The following SND1 variants were observed in gnomAD, a reference collection of about 807,000 sequenced individuals.
The protein encoded by SND1 is staphylococcal nuclease domain-containing protein 1.
A neutral mutation model predicts 121.7 loss-of-function variants in SND1; 38 were observed. The observed-to-expected ratio is 0.31, with a 90% CI of 0.24 to 0.41. The LOEUF (loss-of-function observed/expected upper bound fraction) is 0.41, where lower values mean the gene tolerates loss of function less well. Ranked by LOEUF, SND1 falls within the 10% of genes least tolerant of loss-of-function variation. The pLI is 1.00. For synonymous variants in SND1, 401 were observed against 447.4 expected (o/e 0.90, Z 1.31); for missense variants, 868 against 1,184.6 (o/e 0.73, Z 3.92).
intron 15 of SND1, among the ~76,000 whole-genome samples, chr7:127,955,275 A>G (rs1442482622): frequency 1.3e-5 from 2 of 152,224 alleles, no homozygotes; most frequent in African/African-American, 2.4e-5. Flanking sequence ...TCTTCTGGGC[A>G]CACTGGGCTG....
chr7:127,927,310 G>A (rs1004654296), intron 14 of SND1, among the ~76,000 whole-genome samples: 2 of 152,190 alleles, frequency 1.3e-5, no homozygotes, highest in African/African-American at 4.8e-5. Context: ...TGAGGAAAAA[G>A]ACCTTCTCTT....
At chr7:127,674,789 G>T (rs1490241782) in intron 1 of SND1, among the ~76,000 whole-genome samples, 1 of 152,174 alleles carries the variant, frequency 6.6e-6, no homozygotes, top group Non-Finnish European at 1.5e-5. Flanking sequence ...GAAGGCTTGA[G>T]CTGGGTTTAT....
intron 10 of SND1, among the ~76,000 whole-genome samples, chr7:127,737,616 A>G (rs1796800441): frequency 6.6e-6 from 1 of 152,142 alleles, no homozygotes; most frequent in Non-Finnish European, 1.5e-5. Flanking sequence ...TATGGCTCAC[A>G]TTGTTGAGAT....
chr7:127,786,186 G>A (rs1255629521), intron 10 of SND1, among the ~76,000 whole-genome samples: 1 of 151,424 alleles, frequency 6.6e-6, no homozygotes, highest in African/African-American at 2.4e-5. Context: ...AAAATTTGAG[G>A]GTAAATTTGG....
intron 13 of SND1, among the ~76,000 whole-genome samples, chr7:127,903,160 G>T (rs977338376): frequency 3.9e-5 from 6 of 152,058 alleles, no homozygotes; most frequent in Non-Finnish European, 8.8e-5. Flanking sequence ...GAGATTACAG[G>T]CTTGAGCCCC....
chr7:127,794,234 G>A (rs1044721416), intron 10 of SND1, among the ~76,000 whole-genome samples: 2 of 152,164 alleles, frequency 1.3e-5, no homozygotes, highest in Non-Finnish European at 2.9e-5. Flanking sequence ...AAAATATGTG[G>A]CACTAGACCT....
At chr7:127,890,139 C>T (rs1369848215) in intron 13 of SND1, among the ~76,000 whole-genome samples, 1 of 152,014 alleles carries the variant, frequency 6.6e-6, no homozygotes, top group Non-Finnish European at 1.5e-5. Context: ...ATTTATATTC[C>T]CACCAGCAGT....
chr7:127,860,987 C>T (rs886365131), intron 12 of SND1, among the ~76,000 whole-genome samples: 11 of 152,060 alleles, frequency 7.2e-5, no homozygotes, highest in African/African-American at 2.4e-4. Flanking sequence ...TTTTGATGAC[C>T]AAAGTATAAT....
At chr7:128,020,156 C>G (rs1412592064) in intron 16 of SND1, among the ~76,000 whole-genome samples, 3 of 152,222 alleles carry the variant, frequency 2.0e-5, no homozygotes, top group African/African-American at 7.2e-5. Flanking sequence ...CACACATGCC[C>G]TGAAGAGAAA....
At chr7:127,930,056 G>T (rs1584674798) in intron 15 of SND1, among the ~76,000 whole-genome samples, 1 of 152,322 alleles carries the variant, frequency 6.6e-6, no homozygotes, top group East Asian at 1.9e-4. Flanking sequence ...GCAAATAATA[G>T]TTATTTATTT....
intron 15 of SND1, among the ~76,000 whole-genome samples, chr7:127,962,154 G>C (rs533502742): frequency 1.3e-5 from 2 of 152,298 alleles, no homozygotes; most frequent in East Asian, 3.9e-4. Flanking sequence ...TTGTATAAGG[G>C]AGTATGATGT....
intron 10 of SND1, among the ~76,000 whole-genome samples, chr7:127,784,580 AT>A (rs1563012250): frequency 6.6e-6 from 1 of 152,176 alleles, no homozygotes; most frequent in African/African-American, 2.4e-5. Context: ...ACCTGGAGTA[AT>A]TTACAGTAAA....
chr7:127,969,027 A>G (rs543008282), intron 15 of SND1, among the ~76,000 whole-genome samples: 19 of 152,040 alleles, frequency 1.2e-4, no homozygotes, highest in African/African-American at 4.6e-4. Context: ...GTCCTTCTCT[A>G]CCTCCTCTGT....
chr7:128,035,936 CAT>C (rs1358833676), intron 16 of SND1, among the ~76,000 whole-genome samples: 1 of 152,210 alleles, frequency 6.6e-6, no homozygotes, highest in Non-Finnish European at 1.5e-5. Context: ...CATAATGCCT[CAT>C]AGGGTGTTCC....
intron 13 of SND1, among the ~76,000 whole-genome samples, chr7:127,900,292 A>G (rs1331059838): frequency 1.3e-5 from 2 of 152,186 alleles, no homozygotes; most frequent in Non-Finnish European, 2.9e-5. Context: ...TAAGCTCACA[A>G]AAATATTTGT....
At chr7:127,688,048 G>T (rs1795846802) in intron 2 of SND1, among the ~76,000 whole-genome samples, 1 of 152,038 alleles carries the variant, frequency 6.6e-6, no homozygotes, top group African/African-American at 2.4e-5. Flanking sequence ...CCATGAAATT[G>T]CAAAATTTTG....
chr7:128,084,796 A>G lies in SND1; in HGVS notation c.2183A>G (p.Tyr728Cys), dbSNP rs754421696. Residue 728 changes from tyrosine to cysteine, a missense_variant, in exon 19 of 24, where the codon TAT (tyrosine) becomes TGT (cysteine). Tyr to Cys is a radical substitution (Grantham distance 194). Transcript: ENST00000354725. ...IASHPPVEGS[Y>C]APRRGEFCIA... The stretch of plus-strand genomic sequence containing the variant: ...AGTCACCCCCCTGTAGAGGGCTCCT[A>G]TGCCCCCCGCAGGGGAGAGTTCTGC... 7 of 1,608,850 alleles carry G rather than the reference A, an allele frequency of 4.4e-6. No individual in the cohort carries two copies. The highest frequency in any genetic ancestry group is 1.1e-5 in the South Asian group (1 of 90,486).
chr7:127,677,311 T>G (rs1387382763), intron 1 of SND1, among the ~76,000 whole-genome samples: 4 of 152,244 alleles, frequency 2.6e-5, no homozygotes, highest in African/African-American at 9.6e-5. Flanking sequence ...ATTTTATAAA[T>G]GATGAAATGG....
At chr7:127,773,148 C>T (rs1230888774) in intron 10 of SND1, among the ~76,000 whole-genome samples, 2 of 152,278 alleles carry the variant, frequency 1.3e-5, no homozygotes, top group East Asian at 3.9e-4. Flanking sequence ...AGGACTGTCT[C>T]TCTCCTTGAG....
Sources: allele counts gnomAD v4.1 joint callset (sites outside exome capture counted in the v4.1 genomes callset), GRCh38; gene constraint gnomAD v4.1.1; transcripts MANE v1.5; gene names NCBI Gene and HGNC (gene_info 2026-07-23, HGNC 2026-07-21).